DDX60L: variants seen among roughly 807,000 people sequenced by gnomAD.
The protein encoded by DDX60L is DExD/H-box 60 like.
Under a neutral mutation model 211.6 loss-of-function variants are expected in DDX60L, and 191 were observed. The ratio of observed to expected loss-of-function variants is 0.90; its 90% confidence interval spans 0.80 to 1.02. The LOEUF (loss-of-function observed/expected upper bound fraction) is 1.02, where lower values mean the gene tolerates loss of function less well. Among genes scored for constraint, DDX60L ranks in the 50% least tolerant of loss-of-function variants. The pLI is 0.00. For synonymous variants in DDX60L, 706 were observed against 694.1 expected, an observed-to-expected ratio of 1.02 and a Z score of -0.27; for missense variants, 2,007 against 1,984.1, an observed-to-expected ratio of 1.01 and a Z score of -0.22.
In DDX60L at chr4:168,358,236, C is replaced by A. The variant is rs140243454; in HGVS notation, c.5032G>T (p.Val1678Leu). ...CTCAATTGTTTAAATGCCAGGACTA[C>A]ATTGTCACGCTTATTTTCACATAGT... is the stretch of plus-strand genomic sequence containing the variant. ...SELCENKRDN[V>L]VLAFKQLSQT... Residue 1678 changes from valine (V) to leucine (L), a missense_variant, in exon 38 of 38, where the codon GTA becomes TTA. Physicochemically the swap from Val to Leu is conservative, Grantham distance 32 (BLOSUM62 1). Coordinates refer to ENST00000682922, the MANE Select transcript of DDX60L (RefSeq NM_001012967.3). 28 of 1,601,164 alleles carry A rather than the reference C, an allele frequency of 1.7e-5. No homozygotes were observed. The highest frequency in any genetic ancestry group is 2.7e-5 in the African/African-American group (2 of 74,312).
intron 8 of DDX60L, among the ~76,000 whole-genome samples, chr4:168,451,284 A>T (rs2150054623): frequency 1.3e-5 from 2 of 152,328 alleles, no homozygotes; most frequent in South Asian, 4.1e-4. Flanking sequence ...TTCCCAGTCT[A>T]AAGAATACTT....
intron 16 of DDX60L, 98 bp downstream of exon 16, chr4:168,422,426 G>T: frequency 8.6e-7 from 1 of 1,162,638 alleles, no homozygotes. Flanking sequence ...CATTAAACAA[G>T]ATTAAGAAGT....
At chr4:168,406,561 A>T in intron 23 of DDX60L, 41 bp downstream of exon 23, 1 of 1,441,994 alleles carries the variant, frequency 6.9e-7, no homozygotes, top group Non-Finnish European at 9.5e-7. Context: ...GAATAGCATT[A>T]ACTAAAGTTC....
chr4:168,358,037 G>A lies in DDX60L; in HGVS notation c.*110C>T. 3.1e-6 allele frequency: 3 copies of A among 975,200 alleles called. No homozygotes were observed. Among genetic ancestry groups the A allele is most frequent in the Admixed American group, 4.9e-5 (2 of 41,222 alleles). The allele number at this position is 975,200 out of a possible 1,614,324, so 60.4% of individuals were successfully genotyped here. Reference sequence around the variant, plus strand: ...AGAGCTGATATCTGAGTTTAATTCTGTTTGACTCCAAGACAAACATTTTTT... The same window carrying A: ...AGAGCTGATATCTGAGTTTAATTCTATTTGACTCCAAGACAAACATTTTTT... On this transcript the variant is annotated 3_prime_UTR_variant, in exon 38 of 38. Coordinates refer to ENST00000682922, the MANE Select transcript of DDX60L (RefSeq NM_001012967.3).
chr4:168,396,794 A>C (rs1455051467), intron 26 of DDX60L, among the ~76,000 whole-genome samples: 1 of 151,470 alleles, frequency 6.6e-6, no homozygotes, highest in East Asian at 2.0e-4. Flanking sequence ...AATATACACA[A>C]CAAGCAGAAA....
rs200027731 is a variant in DDX60L at position 168,377,291 on chromosome 4, C to CAAATAAAT, written c.4485+1055_4485+1062dup. ...TGGGTGAGTGAGCAAGACTCTGTCT[C>CAAATAAAT]AAATAAATAAATAAATAAATAAATA... On this transcript the variant is annotated intron_variant, in intron 33 of 37. Transcript: ENST00000682922. 7.0e-4 allele frequency among the ~76,000 whole-genome samples: 77 copies of CAAATAAAT among 110,700 alleles called. 1 individual carries two copies. Among genetic ancestry groups the CAAATAAAT allele is most frequent in the East Asian group, 9.6e-4 (4 of 4,188 alleles). The allele number at this position is 110,700 out of a possible 152,430, so 72.6% of individuals were successfully genotyped here.
chr4:168,420,196 G>A, intron 18 of DDX60L, 65 bp downstream of exon 18: 1 of 1,312,002 alleles, frequency 7.6e-7, no homozygotes, highest in Non-Finnish European at 1.0e-6. Context: ...CAGATTCCCA[G>A]CAAAACAGTT....
intron 13 of DDX60L, among the ~76,000 whole-genome samples, chr4:168,428,369 C>T (rs1348953350): frequency 6.6e-6 from 1 of 152,124 alleles, no homozygotes; most frequent in Non-Finnish European, 1.5e-5. Context: ...AGGAGATATC[C>T]TGTCACTGAT....
At chr4:168,453,030 A>T in intron 8 of DDX60L, 94 bp downstream of exon 8, 1 of 1,263,396 alleles carries the variant, frequency 7.9e-7, no homozygotes. Flanking sequence ...TCAGCTAATT[A>T]GATCTGGCAT....
At chr4:168,360,292 T>A (rs1738887776) in intron 37 of DDX60L, among the ~76,000 whole-genome samples, 1 of 152,204 alleles carries the variant, frequency 6.6e-6, no homozygotes, top group Non-Finnish European at 1.5e-5. Flanking sequence ...TTGAGATACA[T>A]TTAAAATCTC....
intron 7 of DDX60L, among the ~76,000 whole-genome samples, 176 bp downstream of exon 7, chr4:168,455,863 G>C (rs932611916): frequency 6.6e-6 from 1 of 151,706 alleles, no homozygotes; most frequent in Non-Finnish European, 1.5e-5. Context: ...TCCCCTTTTT[G>C]GTATTTAATA....
chr4:168,447,984 T>C (rs1364919869), intron 9 of DDX60L, among the ~76,000 whole-genome samples: 2 of 151,460 alleles, frequency 1.3e-5, no homozygotes, highest in African/African-American at 4.8e-5. Flanking sequence ...CATATGTAAC[T>C]AACCTGCACA....
At chr4:168,449,805 TAAAAAAAAA>T (rs777111638) in intron 8 of DDX60L, among the ~76,000 whole-genome samples, 3 of 77,772 alleles carry the variant, frequency 3.9e-5, no homozygotes, top group Admixed American at 1.5e-4. Flanking sequence ...TGGGTAAAAA[TAAAAAAAAA>T]AAAAAAAAAG....
rs1579191819 is a variant in DDX60L, at chr4:168,369,372, G to A, written c.4928+2240C>T. Among the ~76,000 whole-genome samples, 6 of 152,010 alleles carry A rather than the reference G, an allele frequency of 3.9e-5. 1 individual carries two copies. Among genetic ancestry groups the A allele is most frequent in the Admixed American group, 3.9e-4 (6 of 15,256 alleles). ...GTCTTTCAACTTCCATCATGATTGTGAGGTTGCGGAACTGTAGGTCAAATA... is the reference window on the plus strand; with the variant it reads ...GTCTTTCAACTTCCATCATGATTGTAAGGTTGCGGAACTGTAGGTCAAATA... On this transcript the variant is annotated intron_variant, in intron 36 of 37. Transcript: ENST00000682922.
intron 14 of DDX60L, among the ~76,000 whole-genome samples, chr4:168,425,870 G>T (rs1334967182): frequency 6.6e-6 from 1 of 152,138 alleles, no homozygotes; most frequent in East Asian, 1.9e-4. Context: ...AGTAATAAAA[G>T]CACACACTAC....
chr4:168,394,951 C>A (rs964256860), intron 27 of DDX60L, among the ~76,000 whole-genome samples: 1 of 152,144 alleles, frequency 6.6e-6, no homozygotes, highest in Non-Finnish European at 1.5e-5. Flanking sequence ...CCTTTTCAAG[C>A]AAAGAGAGAG....
At chr4:168,471,651 A>G (rs1758790651) in intron 4 of DDX60L, 96 bp downstream of exon 4, 2 of 961,492 alleles carry the variant, frequency 2.1e-6, no homozygotes, top group Non-Finnish European at 3.0e-6. Flanking sequence ...ATTTTCTATG[A>G]TGACATGCTT....
intron 1 of DDX60L, among the ~76,000 whole-genome samples, chr4:168,479,466 T>C (rs902362576): frequency 1.3e-5 from 2 of 152,186 alleles, no homozygotes; most frequent in Non-Finnish European, 2.9e-5. Context: ...CTTGCTTCTG[T>C]TTGGTTCTGA....
chr4:168,433,935 T>C (rs76165074), intron 10 of DDX60L, among the ~76,000 whole-genome samples: 10,587 of 152,260 alleles, frequency 0.07, 1,202 homozygotes, highest in African/African-American at 0.23. Flanking sequence ...CCAACAACCA[T>C]TATTTTGTCT....
Sources: gnomAD v4.1 joint callset for allele counts (sites outside exome capture counted in the v4.1 genomes callset) on GRCh38, gnomAD v4.1.1 for gene constraint, MANE v1.5 for transcripts, NCBI Gene and HGNC (gene_info 2026-07-23, HGNC 2026-07-21) for gene names.